Variants in HYAL4 observed in about 807,000 individuals in gnomAD.
HYAL4 encodes hyaluronidase 4.
In HYAL4, 37 loss-of-function variants were observed where a neutral mutation model predicts 35.2. The ratio of observed to expected loss-of-function variants is 1.05; its 90% CI spans 0.81 to 1.38. The LOEUF (loss-of-function observed/expected upper bound fraction) is 1.38, where lower values mean the gene tolerates loss of function less well. HYAL4 is among the 40% of genes most tolerant of loss of function. The probability of loss-of-function intolerance (pLI) is 0.00; values close to 1 mark genes in which losing one functional copy is unlikely to be tolerated. For synonymous variants in HYAL4, 198 were observed against 203.2 expected (o/e 0.97, Z 0.22); for missense variants, 572 against 572.4 (o/e 1.00, Z 0.01).
chr7:123,848,327 T>C lies in HYAL4; in HGVS notation c.-52+169T>C, dbSNP rs140185806. On this transcript the variant is annotated intron_variant, in intron 2 of 4. Coordinates refer to ENST00000223026, the MANE Select transcript of HYAL4 (RefSeq NM_012269.3). ...ACCTTTTGAAATATGAGTTTGTTTTTATGAACCAAGCAGCCTAAAATACAC... is the reference window on the plus strand; with the variant it reads ...ACCTTTTGAAATATGAGTTTGTTTTCATGAACCAAGCAGCCTAAAATACAC... 3.3e-4 allele frequency among the ~76,000 whole-genome samples: 51 copies of C among 152,378 alleles called. No homozygotes were observed. The East Asian group carries it at 9.0e-3, about 27-fold the overall frequency.
the HYAL4 span, among the ~76,000 whole-genome samples, chr7:123,770,142 G>T: frequency 6.6e-6 from 1 of 152,018 alleles, no homozygotes; most frequent in Non-Finnish European, 1.5e-5. Context: ...GTCACTGATG[G>T]TTTGTCTGTG....
chr7:123,776,334 G>T, the HYAL4 span, among the ~76,000 whole-genome samples: 3 of 152,168 alleles, frequency 2.0e-5, no homozygotes, highest in African/African-American at 7.2e-5. Context: ...AACGATGGGC[G>T]ACATGCTGTC....
chr7:123,817,741 C>G, the HYAL4 span, among the ~76,000 whole-genome samples: 1 of 151,532 alleles, frequency 6.6e-6, no homozygotes, highest in South Asian at 2.1e-4. Flanking sequence ...AACTCCTGAC[C>G]TCAGGTGATC....
At chr7:123,872,223 C>T (rs779797724) in intron 3 of HYAL4, among the ~76,000 whole-genome samples, 4 of 152,168 alleles carry the variant, frequency 2.6e-5, no homozygotes, top group Non-Finnish European at 5.9e-5. Flanking sequence ...ATTTACCCAT[C>T]GTTTAGCTCC....
the HYAL4 span, among the ~76,000 whole-genome samples, chr7:123,771,037 G>T: frequency 6.6e-6 from 1 of 152,130 alleles, no homozygotes; most frequent in Non-Finnish European, 1.5e-5. Context: ...GAAAAAGAGG[G>T]TGAGGAAGAG....
At chr7:123,787,990 G>A in the HYAL4 span, among the ~76,000 whole-genome samples, 4 of 152,022 alleles carry the variant, frequency 2.6e-5, no homozygotes, top group Non-Finnish European at 5.9e-5. Flanking sequence ...TGGGTCTTCG[G>A]CACTCAACAT....
intron 1 of HYAL4, among the ~76,000 whole-genome samples, chr7:123,838,731 T>C (rs777950297): frequency 2.3e-4 from 35 of 152,210 alleles, no homozygotes; most frequent in Admixed American, 5.2e-4. Flanking sequence ...CGAATATGTT[T>C]TTTTAAACTT....
chr7:123,786,548 A>G, the HYAL4 span, among the ~76,000 whole-genome samples: 1 of 152,112 alleles, frequency 6.6e-6, no homozygotes, highest in South Asian at 2.1e-4. Context: ...CCAAACAAAT[A>G]GAATATTAAA....
chr7:123,874,144 G>C (rs943464034), intron 3 of HYAL4, among the ~76,000 whole-genome samples: 1 of 152,048 alleles, frequency 6.6e-6, no homozygotes, highest in Non-Finnish European at 1.5e-5. Context: ...ATGTGCCCCC[G>C]ATTTATTTCA....
At chr7:123,832,494 T>C in intron 1 of HYAL4, among the ~76,000 whole-genome samples, 4 of 95,040 alleles carry the variant, frequency 4.2e-5, no homozygotes, top group African/African-American at 1.8e-4. Context: ...TTTTTTTTTT[T>C]TTTTTTTTTT....
the HYAL4 span, among the ~76,000 whole-genome samples, chr7:123,823,481 G>C: frequency 6.6e-6 from 1 of 152,056 alleles, no homozygotes; most frequent in East Asian, 1.9e-4. Flanking sequence ...GAGTTTGAAA[G>C]TGTTTCCTTT....
chr7:123,876,678 A>G, intron 4 of HYAL4, 76 bp from the exon 5 acceptor site: 1 of 1,458,160 alleles, frequency 6.9e-7, no homozygotes, highest in South Asian at 1.3e-5. Flanking sequence ...TACCAGCGAG[A>G]AACACTAAAA....
At position 123,877,111 on chromosome 7, in the gene HYAL4, C is replaced by T; in HGVS notation, c.1402C>T (p.Leu468Phe). The T allele has an allele frequency of 6.2e-7, 1 of 1,614,126 alleles. No homozygotes were observed. Among genetic ancestry groups the T allele is most frequent in the Non-Finnish European group, 8.5e-7 (1 of 1,180,006 alleles). The change falls in exon 5 of 5, where the codon CTT becomes TTT. Residue 468 changes from leucine to phenylalanine, a missense_variant. By Grantham distance (22) the Leu-to-Phe change is conservative. Transcript: ENST00000223026. Reference sequence around the variant, plus strand: ...CCCTTCTCCTGGTTCACTAATGACACTTTGTCTACTGCTTTTAGCAAGTTA... The same window carrying T: ...CCCTTCTCCTGGTTCACTAATGACATTTTGTCTACTGCTTTTAGCAAGTTA... The part of the protein sequence containing the change: ...VSPSPGSLMT[L>F]CLLLLASYRS...
the HYAL4 span, among the ~76,000 whole-genome samples, chr7:123,796,793 A>G: frequency 5.7e-3 from 873 of 152,376 alleles, 9 homozygotes; most frequent in Admixed American, 0.014. Flanking sequence ...TACATACTAC[A>G]GCATGGATAA....
chr7:123,776,925 A>G, the HYAL4 span, among the ~76,000 whole-genome samples: 1 of 152,210 alleles, frequency 6.6e-6, no homozygotes, highest in African/African-American at 2.4e-5. Context: ...GGTTGGTGAA[A>G]GGATTGATTG....
chr7:123,811,174 G>T, the HYAL4 span, among the ~76,000 whole-genome samples: 1 of 152,006 alleles, frequency 6.6e-6, no homozygotes, highest in African/African-American at 2.4e-5. Context: ...TTTTGTGTGG[G>T]TGTAAGTTTC....
the HYAL4 span, among the ~76,000 whole-genome samples, chr7:123,798,013 A>G: frequency 6.6e-6 from 1 of 152,152 alleles, no homozygotes; most frequent in Non-Finnish European, 1.5e-5. Context: ...TATTTTACCC[A>G]CCAGAGGGTG....
At chr7:123,869,277 A>C in intron 3 of HYAL4, 50 bp downstream of exon 3, 1 of 1,209,636 alleles carries the variant, frequency 8.3e-7, no homozygotes, top group East Asian at 2.4e-5. Flanking sequence ...TATCTCTAAA[A>C]GGACATTTCT....
chr7:123,790,311 G>A, the HYAL4 span, among the ~76,000 whole-genome samples: 1 of 152,174 alleles, frequency 6.6e-6, no homozygotes, highest in Non-Finnish European at 1.5e-5. Flanking sequence ...AGAAAAGAAG[G>A]TAGCATATTA....
Sources: gnomAD v4.1 joint callset for allele counts (sites outside exome capture counted in the v4.1 genomes callset) on GRCh38, gnomAD v4.1.1 for gene constraint, MANE v1.5 for transcripts, NCBI Gene and HGNC (gene_info 2026-07-23, HGNC 2026-07-21) for gene names.